Variants in BCR observed in about 807,000 individuals in gnomAD.
BCR encodes the protein breakpoint cluster region protein.
In BCR, 58 loss-of-function variants were observed where a neutral mutation model predicts 138.6. The observed-to-expected ratio is 0.42, with a 90% CI of 0.34 to 0.52. BCR has a LOEUF of 0.52. Ranked by LOEUF, BCR falls within the 20% of genes least tolerant of loss-of-function variation. BCR has a pLI of 0.06. For missense variants in BCR, 1,599 were observed against 1,727.2 expected (o/e 0.93, Z 1.32); for synonymous variants, 786 against 730.1 (o/e 1.08, Z -1.23).
intron 12 of BCR, 67 bp from the exon 13 acceptor site, chr22:23,289,450 A>G: frequency 7.4e-7 from 1 of 1,348,602 alleles, no homozygotes; most frequent in Non-Finnish European, 1.1e-6. Flanking sequence ...GTGGAGGTCC[A>G]GTGGGAGGGG....
intron 1 of BCR, among the ~76,000 whole-genome samples, chr22:23,226,258 CCATGGGG>C (rs1404481253): frequency 2.0e-5 from 3 of 151,990 alleles, no homozygotes; most frequent in African/African-American, 7.2e-5. Context: ...AATATCCTTC[CCATGGGG>C]CCTGAAGTAA....
chr22:23,288,608 G>A (rs1386365629), intron 12 of BCR, among the ~76,000 whole-genome samples: 3 of 151,642 alleles, frequency 2.0e-5, no homozygotes, highest in African/African-American at 7.3e-5. Flanking sequence ...CCCGCCCCCT[G>A]GGCCTTCCCT....
Position 23,292,743 on chromosome 22 carries a change from A to C in BCR, c.2880+105A>C, listed in dbSNP as rs573026470. The C allele has an allele frequency of 6.5e-6, 6 of 921,688 alleles. No individual in the cohort carries two copies. In the East Asian group the frequency reaches 1.6e-4, roughly 25 times the overall value. 57.1% of individuals were successfully genotyped at this position (921,688 alleles called of 1,614,324 possible). ...AGGGGCTCCCTGAGGGCTTCCCCCG[A>C]AGGCAGTGCTGCTGAATTCCAGGAA... is the stretch of plus-strand genomic sequence containing the variant. On this transcript the variant is annotated intron_variant, in intron 15 of 22. Transcript: ENST00000305877.
intron 16 of BCR, among the ~76,000 whole-genome samples, chr22:23,301,877 C>T (rs1032429238): frequency 2.0e-5 from 3 of 152,180 alleles, no homozygotes; most frequent in Non-Finnish European, 4.4e-5. Flanking sequence ...CATTCAGGCT[C>T]GGGGCTGGCT....
intron 1 of BCR, among the ~76,000 whole-genome samples, chr22:23,200,377 C>A (rs1322227439): frequency 6.6e-6 from 1 of 151,866 alleles, no homozygotes; most frequent in Non-Finnish European, 1.5e-5. Context: ...TGCAGTGGCA[C>A]ACTCACAACT....
intron 1 of BCR, among the ~76,000 whole-genome samples, chr22:23,246,296 A>G (rs2073156441): frequency 6.6e-6 from 1 of 152,160 alleles, no homozygotes; most frequent in Non-Finnish European, 1.5e-5. Flanking sequence ...AGCTGGACAT[A>G]ATGGCACACA....
intron 1 of BCR, among the ~76,000 whole-genome samples, chr22:23,215,618 A>G (rs965760036): frequency 6.6e-6 from 1 of 152,226 alleles, no homozygotes; most frequent in African/African-American, 2.4e-5. Flanking sequence ...GTGTAATTCC[A>G]TCTGCTGATG....
chr22:23,315,604 C>T lies in BCR; in HGVS notation c.*82C>T. ...GGGCCATCCGTAGAGCGGGAACCTT[C>T]CTGAGGTGTCCTTGGGCCACCCCCA... On this transcript the variant is annotated 3_prime_UTR_variant, in exon 23 of 23. Coordinates refer to ENST00000305877, the MANE Select transcript of BCR (RefSeq NM_004327.4). 6 of 1,336,284 alleles carry T rather than the reference C, an allele frequency of 4.5e-6. No homozygotes were observed. The highest frequency in any genetic ancestry group is 5.3e-6 in the Non-Finnish European group (5 of 938,742). 82.8% of individuals were successfully genotyped at this position (1,336,284 alleles called of 1,614,324 possible).
At chr22:23,256,431 G>A (rs1384277597) in intron 2 of BCR, among the ~76,000 whole-genome samples, 3 of 152,038 alleles carry the variant, frequency 2.0e-5, no homozygotes, top group African/African-American at 7.2e-5. Flanking sequence ...GGCCTGTTGC[G>A]ACAACCTGCA....
At chr22:23,276,782 T>G (rs2073582471) in intron 8 of BCR, among the ~76,000 whole-genome samples, 1 of 143,804 alleles carries the variant, frequency 7.0e-6, no homozygotes, top group African/African-American at 2.6e-5. Context: ...GGGTTTGCAG[T>G]CCTTGATGCA....
intron 16 of BCR, among the ~76,000 whole-genome samples, chr22:23,304,217 G>GT (rs1260713558): frequency 3.3e-5 from 5 of 150,262 alleles, no homozygotes; most frequent in Non-Finnish European, 7.4e-5. Context: ...TGAGATTACA[G>GT]GTGTGAACCA....
chr22:23,260,834 GT>G (rs2073348158), intron 2 of BCR, 115 bp from the exon 3 acceptor site: 1 of 950,506 alleles, frequency 1.1e-6, no homozygotes, highest in African/African-American at 1.6e-5. Flanking sequence ...TGGAGCCTTT[GT>G]GGGGGCAGGG....
rs1290441631 is a variant in BCR at position 23,288,027 on chromosome 22, C to T, written c.2527-70C>T. 2.7e-6 allele frequency: 4 copies of T among 1,458,348 alleles called. No homozygotes were observed. The African/African-American group carries it at 4.2e-5, about 15-fold the overall frequency. The allele number at this position is 1,458,348 out of a possible 1,614,324, so 90.3% of individuals were successfully genotyped here. A position where few individuals can be genotyped will look rare whatever the true frequency, so the allele number is the denominator to read the frequency against. ...GATACGAGTTGTGTGCTCTAAGGTG[C>T]CCCGGGCCTACCAGGCATTTGCGTA... On this transcript the variant is annotated intron_variant, in intron 11 of 22. Coordinates refer to ENST00000305877, the MANE Select transcript of BCR (RefSeq NM_004327.4).
intron 2 of BCR, 127 bp downstream of exon 2, chr22:23,254,107 C>A: frequency 3.7e-6 from 4 of 1,077,890 alleles, no homozygotes; most frequent in Non-Finnish European, 5.2e-6. Flanking sequence ...AGTGGGTCAC[C>A]AAAAACTCCT....
intron 1 of BCR, among the ~76,000 whole-genome samples, chr22:23,210,620 G>A (rs1452709770): frequency 6.6e-6 from 1 of 152,064 alleles, no homozygotes; most frequent in Non-Finnish European, 1.5e-5. Context: ...CCAGAAACTT[G>A]CATTACCCCT....
In BCR at chr22:23,181,017, G is replaced by T; in HGVS notation, c.57G>T (p.Glu19Asp). 1.3e-6 allele frequency: 2 copies of T among 1,492,766 alleles called. No homozygotes were observed. Among genetic ancestry groups the T allele is most frequent in the Non-Finnish European group, 1.8e-6 (2 of 1,112,322 alleles). The allele number at this position is 1,492,766 out of a possible 1,614,324, so 92.5% of individuals were successfully genotyped here. A position where few individuals can be genotyped will look rare whatever the true frequency, so the allele number is the denominator to read the frequency against. ...GGAAGGCGCAGTTCCCGGACTCAGA[G>T]CCCCCGCGCATGGAGCTGCGCTCAG... ...EAWKAQFPDS[E>D]PPRMELRSVG... The change falls in exon 1 of 23, where the codon GAG becomes GAT. Residue 19 changes from glutamate to aspartate, a missense_variant. Transcript: ENST00000305877.
At chr22:23,312,054 G>A (rs2074013836) in intron 19 of BCR, 2 of 923,954 alleles carry the variant, frequency 2.2e-6, no homozygotes, top group African/African-American at 3.4e-5. Context: ...GCCACTTGCT[G>A]GGGTAGGCCA....
intron 15 of BCR, among the ~76,000 whole-genome samples, chr22:23,294,124 AAGAAC>A (rs2073819638): frequency 6.6e-6 from 1 of 152,178 alleles, no homozygotes; most frequent in African/African-American, 2.4e-5. Context: ...ATGGAGCAGA[AAGAAC>A]AGAGTTCCCA....
chr22:23,288,450 A>G (rs1298454844), intron 12 of BCR, among the ~76,000 whole-genome samples: 2 of 103,060 alleles, frequency 1.9e-5, no homozygotes, highest in Non-Finnish European at 3.9e-5. Context: ...GGCCCTTTCC[A>G]GATTCCACAC....
Sources: gnomAD v4.1 joint callset for allele counts (sites outside exome capture counted in the v4.1 genomes callset) on GRCh38, gnomAD v4.1.1 for gene constraint, MANE v1.5 for transcripts, NCBI Gene and HGNC (gene_info 2026-07-23, HGNC 2026-07-21) for gene names.